Variants in DTNA observed in about 807,000 individuals in gnomAD.
The protein encoded by DTNA is dystrophin-related protein 3.
DTNA carries 43 observed loss-of-function variants against 100.7 expected under a neutral mutation model. The ratio of observed to expected loss-of-function variants is 0.43; its 90% CI spans 0.33 to 0.55. The LOEUF is 0.55. DTNA is among the 20% of genes least tolerant of loss of function. The pLI is 0.04. For missense variants in DTNA, 798 were observed against 953.9 expected (o/e 0.84, Z 2.15); for synonymous variants, 349 against 347.9 (o/e 1.00, Z -0.04).
At chr18:34,759,294 T>C (rs1314056495) in intron 2 of DTNA, among the ~76,000 whole-genome samples, 2 of 152,336 alleles carry the variant, frequency 1.3e-5, no homozygotes, top group Non-Finnish European at 1.5e-5. Context: ...AAATTGTTTG[T>C]TCTTGGAATT....
chr18:34,558,340 A>C (rs1439092246), intron 1 of DTNA, among the ~76,000 whole-genome samples: 1 of 151,624 alleles, frequency 6.6e-6, no homozygotes, highest in East Asian at 1.9e-4. Context: ...TGCGTCGCTC[A>C]CCCTGGGAGC....
chr18:34,547,824 C>T (rs2044965166), intron 1 of DTNA, among the ~76,000 whole-genome samples: 1 of 152,042 alleles, frequency 6.6e-6, no homozygotes, highest in African/African-American at 2.4e-5. Context: ...GGATATTAAG[C>T]CTTTGCTTTA....
chr18:34,882,308 C>T, intron 21 of DTNA, 107 bp downstream of exon 21: 1 of 1,460,824 alleles, frequency 6.8e-7, no homozygotes, highest in Non-Finnish European at 9.3e-7. Context: ...TTCCACCCTC[C>T]CTTTTCAAAA....
chr18:34,585,496 G>A (rs28498803), intron 1 of DTNA, among the ~76,000 whole-genome samples: 1 of 152,164 alleles, frequency 6.6e-6, no homozygotes, highest in East Asian at 1.9e-4. Context: ...CTAATTAGTA[G>A]TTTATCTAAG....
At chr18:34,838,989 T>C in intron 13 of DTNA, 152 bp downstream of exon 13, 1 of 716,742 alleles carries the variant, frequency 1.4e-6, no homozygotes, top group Admixed American at 2.0e-5. Context: ...CTCGTGATGT[T>C]AGTTTGGATA....
At chr18:34,645,291 T>C (rs567642907) in intron 1 of DTNA, among the ~76,000 whole-genome samples, 7 of 152,236 alleles carry the variant, frequency 4.6e-5, no homozygotes, top group South Asian at 4.1e-4. Context: ...TAAACACTTA[T>C]AGTGAAACCT....
At chr18:34,505,576 C>T (rs1288377063) in intron 1 of DTNA, among the ~76,000 whole-genome samples, 1 of 152,174 alleles carries the variant, frequency 6.6e-6, no homozygotes, top group Admixed American at 6.5e-5. Flanking sequence ...ATTTTTCTAT[C>T]TTGTAGCTCC....
At chr18:34,567,405 TATG>T (rs1245025282) in intron 1 of DTNA, among the ~76,000 whole-genome samples, 1 of 152,204 alleles carries the variant, frequency 6.6e-6, no homozygotes, top group African/African-American at 2.4e-5. Context: ...TTTTGGCTGT[TATG>T]ATATTTTTAG....
intron 1 of DTNA, among the ~76,000 whole-genome samples, chr18:34,537,482 A>G (rs545509863): frequency 6.6e-6 from 1 of 151,992 alleles, no homozygotes; most frequent in African/African-American, 2.4e-5. Flanking sequence ...TTAAAATACA[A>G]TGCTGATTAA....
intron 1 of DTNA, among the ~76,000 whole-genome samples, chr18:34,740,783 G>C (rs1470365505): frequency 2.0e-5 from 3 of 151,408 alleles, no homozygotes; most frequent in African/African-American, 7.3e-5. Context: ...GTGGCAGGGT[G>C]AGATGCTGTC....
At chr18:34,830,456 AG>A (rs2095978560) in intron 11 of DTNA, among the ~76,000 whole-genome samples, 1 of 152,202 alleles carries the variant, frequency 6.6e-6, no homozygotes, top group South Asian at 2.1e-4. Flanking sequence ...GATCTTCAAA[AG>A]ACACAGGGAT....
chr18:34,863,648 C>T (rs2096658201), intron 16 of DTNA, among the ~76,000 whole-genome samples: 2 of 152,152 alleles, frequency 1.3e-5, no homozygotes, highest in African/African-American at 4.8e-5. Flanking sequence ...CAAGGGACCC[C>T]ATAGCACATC....
intron 1 of DTNA, among the ~76,000 whole-genome samples, chr18:34,656,713 T>C (rs192776423): frequency 1.3e-5 from 2 of 152,338 alleles, no homozygotes; most frequent in East Asian, 3.9e-4. Flanking sequence ...TTAAAATTTC[T>C]TCATTATAAA....
intron 1 of DTNA, among the ~76,000 whole-genome samples, chr18:34,626,302 G>A (rs1347370270): frequency 2.0e-5 from 3 of 152,104 alleles, no homozygotes; most frequent in Admixed American, 1.3e-4. Context: ...CCATAAAGGA[G>A]TAGATGAAAA....
Position 34,839,926 on chromosome 18 carries a change from TTGCTCCA to T in DTNA, c.1346+1096_1346+1102del, listed in dbSNP as rs1450864918. ...AAGGCATTCCTCAGATGCTAGGCCA[TTGCTCCA>T]TGCTCCTTGCCCTCACCACTTGATG... On this transcript the variant is annotated intron_variant, in intron 13 of 22. Coordinates refer to ENST00000444659, the MANE Select transcript of DTNA (RefSeq NM_001386795.1). Among the ~76,000 whole-genome samples the T allele has an allele frequency of 6.6e-5, 10 of 152,298 alleles. No homozygotes were observed. The East Asian group carries it at 1.7e-3, about 26-fold the overall frequency.
chr18:34,810,745 G>A (rs1388446876), intron 5 of DTNA, among the ~76,000 whole-genome samples: 2 of 152,084 alleles, frequency 1.3e-5, no homozygotes, highest in Non-Finnish European at 2.9e-5. Flanking sequence ...TGAAGGTAAC[G>A]CCCATTATCC....
intron 1 of DTNA, among the ~76,000 whole-genome samples, chr18:34,642,628 G>A (rs1463443180): frequency 4.0e-5 from 6 of 151,450 alleles, no homozygotes; most frequent in Admixed American, 1.3e-4. Context: ...GCGCGATCTC[G>A]GCTCACTGCG....
In DTNA at chr18:34,866,857, C is replaced by T. The variant is rs1395777077; in HGVS notation, c.1743+2795C>T. 13 of 1,037,306 alleles carry T rather than the reference C, an allele frequency of 1.3e-5. No individual in the cohort carries two copies. The South Asian group carries it at 1.4e-4, about 11-fold the overall frequency. The allele number at this position is 1,037,306 out of a possible 1,614,324, so 64.3% of individuals were successfully genotyped here. A position where few individuals can be genotyped will look rare whatever the true frequency, so the allele number is the denominator to read the frequency against. ...ACCAGAGCCTTTCGGCTCCGGGAGA[C>T]GAGAGGGTCATTACATACTTTTTTT... On this transcript the variant is annotated intron_variant, in intron 17 of 22. Coordinates refer to ENST00000444659, the MANE Select transcript of DTNA (RefSeq NM_001386795.1).
chr18:34,765,887 G>A, intron 2 of DTNA, 74 bp from the exon 3 acceptor site: 1 of 1,447,202 alleles, frequency 6.9e-7, no homozygotes, highest in South Asian at 1.2e-5. Context: ...ATCTACAGTT[G>A]TTTTATTTGT....
Sources: gnomAD v4.1 joint callset for allele counts (sites outside exome capture counted in the v4.1 genomes callset) on GRCh38, gnomAD v4.1.1 for gene constraint, MANE v1.5 for transcripts, NCBI Gene and HGNC (gene_info 2026-07-23, HGNC 2026-07-21) for gene names.